Variants in CLCN5 observed in about 807,000 individuals in gnomAD.
CLCN5 encodes the protein Cl-/H+ antiporter 5.
In CLCN5, 17 loss-of-function variants were observed where a neutral mutation model predicts 54.0. The ratio of observed to expected loss-of-function variants is 0.31; its 90% CI spans 0.22 to 0.47. The LOEUF is 0.47. CLCN5 is among the 20% of genes least tolerant of loss of function. The pLI is 1.00. For synonymous variants in CLCN5, 222 were observed against 233.0 expected, an observed-to-expected ratio of 0.95 and a Z score of 0.43; for missense variants, 448 against 646.7, an observed-to-expected ratio of 0.69 and a Z score of 3.33.
chrX:50,004,205 G>A (rs1930032264), intron 3 of CLCN5, among the ~76,000 whole-genome samples: 1 of 111,913 alleles, frequency 8.9e-6, no homozygotes, highest in African/African-American at 3.3e-5. Context: ...AATATTTATC[G>A]AGCAGCTACT....
At chrX:50,009,793 T>C (rs1557182212) in intron 3 of CLCN5, 1 of 386,856 alleles carries the variant, frequency 2.6e-6, no homozygotes, top group Admixed American at 2.5e-5. Flanking sequence ...GCAAGGATTC[T>C]GAGAGGGTGA....
At chrX:49,927,522 T>C (rs1399693273) in intron 3 of CLCN5, among the ~76,000 whole-genome samples, 1 of 112,256 alleles carries the variant, frequency 8.9e-6, no homozygotes, top group Non-Finnish European at 1.9e-5. Context: ...TAGTTAAATG[T>C]GTGGGTCTGA....
chrX:50,023,537 A>G (rs1931224540), intron 3 of CLCN5, among the ~76,000 whole-genome samples: 1 of 25,562 alleles, frequency 3.9e-5, no homozygotes, highest in Non-Finnish European at 5.6e-5. Flanking sequence ...TTAGTTGGTT[A>G]TTTTGCTCAT....
chrX:50,006,183 G>A (rs782516527), intron 3 of CLCN5, among the ~76,000 whole-genome samples: 2 of 112,041 alleles, frequency 1.8e-5, no homozygotes, highest in Admixed American at 1.9e-4. Flanking sequence ...AGTAAAAAGT[G>A]GTTATATTTT....
At position 50,066,202 on chromosome X, in the gene CLCN5, C is replaced by CAAAAAAAAAAA. The variant is rs781827477; in HGVS notation, c.164-3673_164-3663dup. Among the ~76,000 whole-genome samples the CAAAAAAAAAAA allele has an allele frequency of 1.2e-4, 8 of 65,317 alleles. 1 individual carries two copies. Among genetic ancestry groups the CAAAAAAAAAAA allele is most frequent in the Admixed American group, 4.8e-4 (3 of 6,300 alleles). The allele number at this position is 65,317 out of a possible 115,157, so 56.7% of individuals were successfully genotyped here. Reference sequence around the variant, plus strand: ...AAAGAAAGAAAGAGAAATTCCAGAGCAAAAAAAAAAAAAAGACAGTCACAG... The same window carrying CAAAAAAAAAAA: ...AAAGAAAGAAAGAGAAATTCCAGAGCAAAAAAAAAAAAAAAAAAAAAAAAAGACAGTCACAG... On this transcript the variant is annotated intron_variant, in intron 4 of 14. Transcript: ENST00000376091.
chrX:49,981,809 C>G (rs1163387854), intron 3 of CLCN5, among the ~76,000 whole-genome samples: 1 of 109,223 alleles, frequency 9.2e-6, no homozygotes, highest in Non-Finnish European at 1.9e-5. Flanking sequence ...TAAAGGTTCT[C>G]AAGATTCAAT....
chrX:49,995,359 G>A (rs1929465164), intron 3 of CLCN5, among the ~76,000 whole-genome samples: 1 of 112,279 alleles, frequency 8.9e-6, no homozygotes, highest in Non-Finnish European at 1.9e-5. Context: ...AATGGGAGTA[G>A]CTGTACTAAA....
In CLCN5 at chrX:50,013,471, G is replaced by A. The variant is rs782721298; in HGVS notation, c.17-28845G>A. ...GACTTCCTATCTAGTGGAGGTATTA[G>A]GTGCCTAGACTTCCCCAGGCCTAGG... On this transcript the variant is annotated intron_variant, in intron 3 of 14. Transcript: ENST00000376091. 22 of 238,970 alleles carry A rather than the reference G, an allele frequency of 9.2e-5. No individual in the cohort carries two copies. In the East Asian group the frequency reaches 2.2e-3, roughly 24 times the overall value. The allele number at this position is 238,970 out of a possible 1,213,427, so 19.7% of individuals were successfully genotyped here. A position where few individuals can be genotyped will look rare whatever the true frequency, so the allele number is the denominator to read the frequency against.
chrX:49,941,098 G>A (rs782027046), intron 3 of CLCN5, among the ~76,000 whole-genome samples: 6 of 111,367 alleles, frequency 5.4e-5, no homozygotes, highest in Admixed American at 9.5e-5. Flanking sequence ...AGGTCAAGGC[G>A]GGTGATCACT....
At chrX:49,927,958 G>A (rs1237698857) in intron 3 of CLCN5, among the ~76,000 whole-genome samples, 2 of 111,924 alleles carry the variant, frequency 1.8e-5, no homozygotes, top group Non-Finnish European at 3.8e-5. Context: ...AAAAAATGTG[G>A]ATCTCATGAA....
At chrX:49,944,046 T>A (rs782242079) in intron 3 of CLCN5, among the ~76,000 whole-genome samples, 74 of 112,074 alleles carry the variant, frequency 6.6e-4, no homozygotes, top group African/African-American at 2.2e-3. Flanking sequence ...GCATGGAATG[T>A]TCTTCCATTT....
intron 3 of CLCN5, among the ~76,000 whole-genome samples, chrX:50,032,439 G>A (rs782506206): frequency 9.0e-5 from 10 of 111,419 alleles, no homozygotes; most frequent in East Asian, 8.5e-4. Flanking sequence ...GTATCTCATT[G>A]TGGTTTTGAT....
intron 3 of CLCN5, among the ~76,000 whole-genome samples, chrX:49,966,251 T>A (rs1441891805): frequency 1.8e-5 from 2 of 111,913 alleles, no homozygotes; most frequent in African/African-American, 6.5e-5. Context: ...TTTTAATAGA[T>A]GTAGTATATT....
At chrX:49,945,281 T>A (rs1557171744) in intron 3 of CLCN5, 1 of 111,862 alleles carries the variant, frequency 8.9e-6, no homozygotes, top group Admixed American at 9.5e-5. Context: ...TTTCTTAGTA[T>A]GAACTCATAA....
chrX:50,092,250 G>A lies in CLCN5; in HGVS notation c.*31G>A. 1 of 983,302 alleles carries A rather than the reference G, an allele frequency of 1.0e-6. No homozygotes were observed. Among genetic ancestry groups the A allele is most frequent in the East Asian group, 3.1e-5 (1 of 32,745 alleles). The allele number at this position is 983,302 out of a possible 1,213,427, so 81.0% of individuals were successfully genotyped here. The stretch of plus-strand genomic sequence containing the variant: ...TAGAGTTCTGGATGTAAAGCGGGAA[G>A]GACATTACAGACCATGGATATGTTG... On this transcript the variant is annotated 3_prime_UTR_variant, in exon 15 of 15. Transcript: ENST00000376091.
chrX:50,008,602 C>A, intron 3 of CLCN5: 1 of 298,950 alleles, frequency 3.3e-6, no homozygotes, highest in South Asian at 3.7e-5. Flanking sequence ...GTATATGATA[C>A]TAAGTTGAGT....
At chrX:50,050,039 T>G (rs187078230) in intron 4 of CLCN5, among the ~76,000 whole-genome samples, 2 of 112,349 alleles carry the variant, frequency 1.8e-5, no homozygotes, top group Admixed American at 1.9e-4. Flanking sequence ...GCTCATTCCT[T>G]CTTATTGCTG....
intron 4 of CLCN5, among the ~76,000 whole-genome samples, chrX:50,064,070 A>G (rs1454098244): frequency 1.9e-5 from 2 of 104,767 alleles, no homozygotes; most frequent in African/African-American, 7.0e-5. Context: ...ATGGGCAAAA[A>G]CTGGAAGCAT....
chrX:50,082,703 G>T (rs782816820), intron 9 of CLCN5, among the ~76,000 whole-genome samples: 7 of 111,715 alleles, frequency 6.3e-5, no homozygotes, highest in Non-Finnish European at 1.1e-4. Context: ...TTTATTGTAT[G>T]TAATTCTATT....
Sources: gnomAD v4.1 joint callset for allele counts (sites outside exome capture counted in the v4.1 genomes callset) on GRCh38, gnomAD v4.1.1 for gene constraint, MANE v1.5 for transcripts, NCBI Gene and HGNC (gene_info 2026-07-23, HGNC 2026-07-21) for gene names.